Variants in RANBP2 observed in about 807,000 individuals in gnomAD.
RANBP2 encodes RAN binding protein 2.
RANBP2 carries 57 observed loss-of-function variants against 303.6 expected under a neutral mutation model. The ratio of observed to expected loss-of-function variants is 0.19; its 90% CI spans 0.15 to 0.23. RANBP2 has a LOEUF of 0.23. Ranked by LOEUF, RANBP2 falls within the 10% of genes least tolerant of loss-of-function variation. The probability of loss-of-function intolerance (pLI) is 1.00; values close to 1 mark genes in which losing one functional copy is unlikely to be tolerated. For missense variants in RANBP2, 3,138 were observed against 3,780.8 expected, an observed-to-expected ratio of 0.83 and a Z score of 4.46; for synonymous variants, 1,167 against 1,301.5, an observed-to-expected ratio of 0.90 and a Z score of 2.23.
the RANBP2 span, among the ~76,000 whole-genome samples, chr2:109,037,306 A>G: frequency 6.7e-6 from 1 of 148,890 alleles, no homozygotes. Flanking sequence ...TCTGGGTGAC[A>G]GAGCAAGACC....
the RANBP2 span, among the ~76,000 whole-genome samples, chr2:108,908,283 C>G: frequency 6.6e-6 from 1 of 152,032 alleles, no homozygotes; most frequent in Admixed American, 6.6e-5. Flanking sequence ...GCTGCCACTG[C>G]GTGTGGGAGG....
chr2:108,920,163 C>T, the RANBP2 span, among the ~76,000 whole-genome samples: 7 of 152,370 alleles, frequency 4.6e-5, no homozygotes, highest in Middle Eastern at 3.4e-3. Flanking sequence ...GGAGCCATGC[C>T]GCCTGCTGGG....
At chr2:109,452,648 G>A in the RANBP2 span, among the ~76,000 whole-genome samples, 6 of 152,208 alleles carry the variant, frequency 3.9e-5, no homozygotes, top group African/African-American at 1.4e-4. Flanking sequence ...GGAGAAGGAA[G>A]AAGCCCCAAA....
chr2:108,723,125 C>G (rs943266682), intron 1 of RANBP2, among the ~76,000 whole-genome samples: 4 of 152,102 alleles, frequency 2.6e-5, no homozygotes, highest in Non-Finnish European at 5.9e-5. Flanking sequence ...ATCCACCTAC[C>G]TCTGTTTCCT....
At chr2:109,048,748 C>A in the RANBP2 span, among the ~76,000 whole-genome samples, 2 of 152,158 alleles carry the variant, frequency 1.3e-5, no homozygotes, top group African/African-American at 4.8e-5. Context: ...TAAGCCCATA[C>A]CTTCACTTTT....
chr2:108,854,063 T>C, the RANBP2 span, among the ~76,000 whole-genome samples: 4 of 126,790 alleles, frequency 3.2e-5, no homozygotes, highest in Non-Finnish European at 4.7e-5. Flanking sequence ...ATATTATATA[T>C]ATTTTATATA....
chr2:108,873,140 G>A, the RANBP2 span, among the ~76,000 whole-genome samples: 3 of 152,112 alleles, frequency 2.0e-5, no homozygotes, highest in East Asian at 5.8e-4. Context: ...TATTTAAACT[G>A]AACTTATTGT....
the RANBP2 span, among the ~76,000 whole-genome samples, chr2:109,159,650 G>T: frequency 1.3e-5 from 2 of 152,230 alleles, no homozygotes; most frequent in African/African-American, 4.8e-5. Flanking sequence ...TGCACAGCAG[G>T]AGGTGAGTGG....
the RANBP2 span, among the ~76,000 whole-genome samples, chr2:109,234,786 C>T: frequency 6.6e-6 from 1 of 152,182 alleles, no homozygotes; most frequent in Non-Finnish European, 1.5e-5. Context: ...TACATCTTCA[C>T]ACCTGACTTC....
the RANBP2 span, among the ~76,000 whole-genome samples, chr2:109,060,696 C>A: frequency 1.3e-5 from 2 of 152,176 alleles, no homozygotes; most frequent in Non-Finnish European, 2.9e-5. Context: ...AGGCCAAGGG[C>A]CGGACACCAG....
chr2:109,338,715 G>A, the RANBP2 span, among the ~76,000 whole-genome samples: 257 of 152,156 alleles, frequency 1.7e-3, no homozygotes, highest in African/African-American at 5.7e-3. Flanking sequence ...GCGCCACCAC[G>A]CCCGACTAAT....
At chr2:109,449,364 A>G in the RANBP2 span, 2 of 1,609,746 alleles carry the variant, frequency 1.2e-6, no homozygotes, top group Non-Finnish European at 1.7e-6. Context: ...AGCATCAGCC[A>G]TCACACCTCC....
the RANBP2 span, among the ~76,000 whole-genome samples, chr2:108,956,377 G>A: frequency 9.8e-5 from 15 of 152,314 alleles, no homozygotes; most frequent in South Asian, 3.1e-3. Flanking sequence ...ACTTTGGTTT[G>A]GTTTCAGGTA....
At chr2:109,180,243 C>T in the RANBP2 span, among the ~76,000 whole-genome samples, 130 of 152,238 alleles carry the variant, frequency 8.5e-4, no homozygotes, top group South Asian at 5.4e-3. Flanking sequence ...GTCAGGGCTT[C>T]GGCCTCCTTC....
chr2:109,433,533 A>G, the RANBP2 span, among the ~76,000 whole-genome samples: 1 of 152,346 alleles, frequency 6.6e-6, no homozygotes, highest in Admixed American at 6.5e-5. Flanking sequence ...TGCAGGACAC[A>G]CACACAGAAG....
chr2:109,420,663 T>C, the RANBP2 span, among the ~76,000 whole-genome samples: 3 of 152,166 alleles, frequency 2.0e-5, no homozygotes, highest in African/African-American at 7.2e-5. Context: ...GCCAGGATGG[T>C]CTCGATCTCC....
At chr2:109,025,320 CTGTTT>C in the RANBP2 span, among the ~76,000 whole-genome samples, 2 of 152,086 alleles carry the variant, frequency 1.3e-5, no homozygotes, top group South Asian at 4.1e-4. Context: ...ACTGGGGTAT[CTGTTT>C]TGAGCATTTG....
chr2:109,405,405 G>A, the RANBP2 span, among the ~76,000 whole-genome samples: 1 of 152,126 alleles, frequency 6.6e-6, no homozygotes, highest in Non-Finnish European at 1.5e-5. Context: ...CCCTTGGAAG[G>A]TTCTGGGGAG....
chr2:108,740,443 C>T (rs556590512), intron 6 of RANBP2, 46 bp from the exon 7 acceptor site: 2 of 1,596,620 alleles, frequency 1.3e-6, no homozygotes, highest in African/African-American at 1.3e-5. Flanking sequence ...TGATTATTCA[C>T]AGTGCAGTAA....
Sources: allele counts gnomAD v4.1 joint callset (sites outside exome capture counted in the v4.1 genomes callset), GRCh38; gene constraint gnomAD v4.1.1; transcripts MANE v1.5; gene names NCBI Gene and HGNC (gene_info 2026-07-23, HGNC 2026-07-21).